The following CYRIA variants were observed in gnomAD, a reference collection of about 807,000 sequenced individuals.
The protein encoded by CYRIA is CYFIP related Rac1 interactor A.
Under a neutral mutation model 43.9 loss-of-function variants are expected in CYRIA, and 15 were observed. That is an observed-to-expected ratio of 0.34 (90% CI 0.23 to 0.53). The LOEUF is 0.53. CYRIA is among the 20% of genes least tolerant of loss of function. CYRIA has a pLI of 0.94. For missense variants in CYRIA, 236 were observed against 394.2 expected (o/e 0.60, Z 3.40); for synonymous variants, 117 against 136.0 (o/e 0.86, Z 0.97).
Position 16,570,851 on chromosome 2 carries a change from G to A in CYRIA, c.71-5084C>T, listed in dbSNP as rs1487161175. 3.9e-5 allele frequency among the ~76,000 whole-genome samples: 6 copies of A among 152,140 alleles called. No homozygotes were observed. In the East Asian group the frequency reaches 1.2e-3, roughly 29 times the overall value. On this transcript the variant is annotated intron_variant, in intron 3 of 11. Coordinates refer to ENST00000381323, the MANE Select transcript of CYRIA (RefSeq NM_030797.4). ...TGCAGCCAGTGTTTTCTTTGGTAAT[G>A]TTCCTTCTAAGAACCATATTCTAAG...
intron 3 of CYRIA, among the ~76,000 whole-genome samples, chr2:16,586,321 TATAG>T (rs1306249602): frequency 6.6e-6 from 1 of 152,128 alleles, no homozygotes; most frequent in Non-Finnish European, 1.5e-5. Context: ...GGTGGCAAGA[TATAG>T]ATAATTTGTT....
At chr2:16,619,474 GT>G (rs1282360514) in intron 2 of CYRIA, among the ~76,000 whole-genome samples, 1 of 152,154 alleles carries the variant, frequency 6.6e-6, no homozygotes, top group Non-Finnish European at 1.5e-5. Context: ...GGGAAATACA[GT>G]TTTCACTTAG....
Position 16,550,803 on chromosome 2 carries a change from C to T in CYRIA, c.*2133G>A, listed in dbSNP as rs1666280888. The T allele has an allele frequency of 6.6e-6, 1 of 152,146 alleles. No homozygotes were observed. The highest frequency in any genetic ancestry group is 2.4e-5 in the African/African-American group (1 of 41,436). The allele number at this position is 152,146 out of a possible 1,614,324, so 9.4% of individuals were successfully genotyped here. A position where few individuals can be genotyped will look rare whatever the true frequency, so the allele number is the denominator to read the frequency against. The stretch of plus-strand genomic sequence containing the variant: ...TCCTTTCTTTAAGCCTTAATCTCCT[C>T]ACTTGATAGAGGGGGAGAAATTGAC... On this transcript the variant is annotated 3_prime_UTR_variant, in exon 12 of 12. Coordinates refer to ENST00000381323, the MANE Select transcript of CYRIA (RefSeq NM_030797.4).
intron 3 of CYRIA, among the ~76,000 whole-genome samples, chr2:16,579,952 G>GT (rs57546570): frequency 0.12 from 17,061 of 145,518 alleles, 1,000 homozygotes; most frequent in Middle Eastern, 0.18. Context: ...TTAAAAGGAA[G>GT]TTTTTTTTTT....
chr2:16,608,476 G>C (rs1438622245), intron 2 of CYRIA, among the ~76,000 whole-genome samples: 1 of 152,146 alleles, frequency 6.6e-6, no homozygotes, highest in Non-Finnish European at 1.5e-5. Flanking sequence ...TTTATAGATG[G>C]CCAAGTGGAA....
At chr2:16,653,213 G>T (rs1348414043) in intron 1 of CYRIA, among the ~76,000 whole-genome samples, 1 of 152,170 alleles carries the variant, frequency 6.6e-6, no homozygotes, top group African/African-American at 2.4e-5. Context: ...TCACAGGCTG[G>T]CCTGTGATGT....
intron 1 of CYRIA, among the ~76,000 whole-genome samples, chr2:16,641,830 G>GC (rs1558439394): frequency 6.6e-6 from 1 of 152,044 alleles, no homozygotes; most frequent in African/African-American, 2.4e-5. Context: ...AGAGGACATG[G>GC]TGATCTCCAC....
chr2:16,631,507 T>C (rs1214102722), intron 1 of CYRIA, among the ~76,000 whole-genome samples: 1 of 152,194 alleles, frequency 6.6e-6, no homozygotes, highest in Non-Finnish European at 1.5e-5. Context: ...CCAAATGCTT[T>C]AGTAAGCATT....
At chr2:16,585,806 C>T (rs1487769783) in intron 3 of CYRIA, among the ~76,000 whole-genome samples, 3 of 152,136 alleles carry the variant, frequency 2.0e-5, no homozygotes, top group Non-Finnish European at 2.9e-5. Context: ...CACCTCTCAA[C>T]GTCCCCCTAT....
chr2:16,571,130 A>G (rs1468937041), intron 3 of CYRIA, among the ~76,000 whole-genome samples: 1 of 152,196 alleles, frequency 6.6e-6, no homozygotes, highest in Non-Finnish European at 1.5e-5. Flanking sequence ...CCTTGCACAC[A>G]TATACATTTG....
chr2:16,566,735 T>A (rs530933707), intron 3 of CYRIA, among the ~76,000 whole-genome samples: 1 of 152,304 alleles, frequency 6.6e-6, no homozygotes, highest in Admixed American at 6.5e-5. Flanking sequence ...AGCTAGCATG[T>A]ATTCTTGTTC....
At chr2:16,632,869 T>A (rs1669369742) in intron 1 of CYRIA, among the ~76,000 whole-genome samples, 1 of 151,780 alleles carries the variant, frequency 6.6e-6, no homozygotes, top group African/African-American at 2.4e-5. Context: ...AAAGCAGGGG[T>A]CATATGATCA....
chr2:16,617,632 G>A (rs570965854), intron 2 of CYRIA, among the ~76,000 whole-genome samples: 1 of 152,370 alleles, frequency 6.6e-6, no homozygotes, highest in African/African-American at 2.4e-5. Context: ...CACTCTGTGA[G>A]CCAGATCAGC....
intron 3 of CYRIA, among the ~76,000 whole-genome samples, chr2:16,576,494 G>A (rs895977257): frequency 6.6e-6 from 1 of 152,190 alleles, no homozygotes. Flanking sequence ...ATTTCACCCT[G>A]TCTTGGAAAT....
intron 3 of CYRIA, among the ~76,000 whole-genome samples, chr2:16,579,447 T>A (rs62122703): frequency 0.014 from 1,521 of 109,740 alleles, 24 homozygotes; most frequent in African/African-American, 0.058. Context: ...ACACACACAC[T>A]CGCTCTCTCT....
At chr2:16,637,691 C>T (rs560179503) in intron 1 of CYRIA, among the ~76,000 whole-genome samples, 1 of 152,330 alleles carries the variant, frequency 6.6e-6, no homozygotes, top group Admixed American at 6.5e-5. Flanking sequence ...TATTGGATTG[C>T]AAACTTGAAT....
At chr2:16,581,493 G>C (rs1667547438) in intron 3 of CYRIA, among the ~76,000 whole-genome samples, 1 of 152,026 alleles carries the variant, frequency 6.6e-6, no homozygotes, top group Admixed American at 6.6e-5. Context: ...TTAGTTATTG[G>C]CAGGAATGTA....
At chr2:16,645,902 T>C (rs1173104283) in intron 1 of CYRIA, among the ~76,000 whole-genome samples, 1 of 152,212 alleles carries the variant, frequency 6.6e-6, no homozygotes, top group African/African-American at 2.4e-5. Flanking sequence ...CCCCAGATGA[T>C]TTATTATCTA....
chr2:16,617,583 C>A (rs1020492365), intron 2 of CYRIA, among the ~76,000 whole-genome samples: 3 of 152,248 alleles, frequency 2.0e-5, no homozygotes, highest in Non-Finnish European at 4.4e-5. Flanking sequence ...CTCATTAAGG[C>A]CTGCAGCCAG....
Sources: gnomAD v4.1 joint callset for allele counts (sites outside exome capture counted in the v4.1 genomes callset) on GRCh38, gnomAD v4.1.1 for gene constraint, MANE v1.5 for transcripts, NCBI Gene and HGNC (gene_info 2026-07-23, HGNC 2026-07-21) for gene names.